The following WDPCP variants were observed in gnomAD, a reference collection of about 807,000 sequenced individuals.
WDPCP encodes WD repeat containing planar cell polarity effector.
In WDPCP, 71 loss-of-function variants were observed where a neutral mutation model predicts 93.1. That is an observed-to-expected ratio of 0.76 (90% CI 0.63 to 0.93). The LOEUF is 0.93. WDPCP is among the 40% of genes least tolerant of loss of function. The pLI, the probability that WDPCP is intolerant of heterozygous loss-of-function variation, is 0.00. For synonymous variants in WDPCP, 315 were observed against 315.0 expected (o/e 1.00, Z 0.00); for missense variants, 844 against 887.4 (o/e 0.95, Z 0.62).
intron 2 of WDPCP, among the ~76,000 whole-genome samples, chr2:63,790,632 C>T (rs1209017009): frequency 2.6e-5 from 4 of 152,166 alleles, no homozygotes; most frequent in African/African-American, 9.7e-5. Context: ...TGGTTAGGAC[C>T]ATGAAGCCTT....
At chr2:63,643,958 T>C (rs1558873968) in intron 3 of WDPCP, 1 of 489,516 alleles carries the variant, frequency 2.0e-6, no homozygotes, top group South Asian at 1.5e-5. Context: ...AGTGGATGGA[T>C]GAGGAGTAAA....
At chr2:63,787,123 A>G (rs1459671493) in intron 2 of WDPCP, among the ~76,000 whole-genome samples, 1 of 152,234 alleles carries the variant, frequency 6.6e-6, no homozygotes, top group Non-Finnish European at 1.5e-5. Flanking sequence ...TCCTAAGAAA[A>G]TAAACACAGA....
chr2:63,699,698 A>C (rs1378181627), intron 2 of WDPCP, among the ~76,000 whole-genome samples: 1 of 152,242 alleles, frequency 6.6e-6, no homozygotes, highest in Non-Finnish European at 1.5e-5. Context: ...GTTTTCTAAC[A>C]TAGAGGTATC....
At chr2:63,416,201 T>G (rs1204451315) in intron 9 of WDPCP, among the ~76,000 whole-genome samples, 1 of 147,542 alleles carries the variant, frequency 6.8e-6, no homozygotes, top group Non-Finnish European at 1.5e-5. Context: ...TTTTTTTTCC[T>G]TTTTTTTTTT....
intron 1 of WDPCP, among the ~76,000 whole-genome samples, chr2:63,505,515 A>ATTATGACT (rs1701816087): frequency 6.6e-6 from 1 of 152,128 alleles, no homozygotes; most frequent in South Asian, 2.1e-4. Flanking sequence ...GATTATGACC[A>ATTATGACT]TGTTTTGCCC....
chr2:63,222,762 A>G (rs1388773369), intron 14 of WDPCP, among the ~76,000 whole-genome samples: 2 of 152,184 alleles, frequency 1.3e-5, no homozygotes, highest in Non-Finnish European at 2.9e-5. Context: ...TATGTCTTTT[A>G]GTATAGAATT....
At chr2:63,381,356 G>GT (rs1305995952) in intron 11 of WDPCP, among the ~76,000 whole-genome samples, 1 of 151,952 alleles carries the variant, frequency 6.6e-6, no homozygotes, top group East Asian at 1.9e-4. Context: ...TTGGGCAAAG[G>GT]TAAGGAAATC....
At chr2:63,194,202 A>G (rs1433452774) in intron 14 of WDPCP, among the ~76,000 whole-genome samples, 1 of 152,274 alleles carries the variant, frequency 6.6e-6, no homozygotes, top group East Asian at 1.9e-4. Flanking sequence ...CTTAAAGAAA[A>G]TAATATTTTT....
intron 14 of WDPCP, among the ~76,000 whole-genome samples, chr2:63,223,134 A>C (rs1427033335): frequency 6.6e-6 from 1 of 152,188 alleles, no homozygotes; most frequent in Non-Finnish European, 1.5e-5. Flanking sequence ...GATGTCTTAC[A>C]TTTTAAATGA....
intron 2 of WDPCP, among the ~76,000 whole-genome samples, chr2:63,742,691 C>T (rs189500190): frequency 4.1e-5 from 6 of 147,774 alleles, no homozygotes; most frequent in East Asian, 2.0e-4. Context: ...AAGACCCATA[C>T]GAGATGACAT....
intron 1 of WDPCP, among the ~76,000 whole-genome samples, chr2:63,528,893 G>C (rs757803991): frequency 4.6e-5 from 7 of 152,134 alleles, no homozygotes; most frequent in Non-Finnish European, 8.8e-5. Context: ...ATTTCATTGA[G>C]CAGTGGTTTG....
At chr2:63,369,153 A>C (rs1392560585) in intron 12 of WDPCP, 1 of 245,242 alleles carries the variant, frequency 4.1e-6, no homozygotes, top group African/African-American at 2.2e-5. Flanking sequence ...CCACAGCTTT[A>C]ATACAACTGT....
the WDPCP span, among the ~76,000 whole-genome samples, chr2:63,839,738 G>C: frequency 6.6e-6 from 1 of 152,212 alleles, no homozygotes; most frequent in African/African-American, 2.4e-5. Context: ...GTATACAAAG[G>C]ATGTAGAGAT....
chr2:63,815,079 A>G (rs930165486), intron 1 of WDPCP, among the ~76,000 whole-genome samples: 2 of 152,216 alleles, frequency 1.3e-5, no homozygotes, highest in Non-Finnish European at 2.9e-5. Context: ...GACAAAGCAC[A>G]TTACATAATT....
chr2:63,248,030 A>T (rs1680425169), intron 14 of WDPCP, among the ~76,000 whole-genome samples: 1 of 150,250 alleles, frequency 6.7e-6, no homozygotes, highest in Non-Finnish European at 1.5e-5. Flanking sequence ...GTATACAAAA[A>T]CTCTTATAAA....
chr2:63,130,894 A>G (rs1232424782), intron 17 of WDPCP, among the ~76,000 whole-genome samples: 1 of 152,146 alleles, frequency 6.6e-6, no homozygotes, highest in Non-Finnish European at 1.5e-5. Context: ...TGGTACATAC[A>G]TATTTATAAT....
At chr2:63,709,512 G>A in intron 2 of WDPCP, among the ~76,000 whole-genome samples, 1 of 152,096 alleles carries the variant, frequency 6.6e-6, no homozygotes, top group East Asian at 1.9e-4. Context: ...TCAATTTCAA[G>A]CCACCAGAAA....
At chr2:63,143,775 C>A (rs1671267519) in intron 17 of WDPCP, among the ~76,000 whole-genome samples, 1 of 152,230 alleles carries the variant, frequency 6.6e-6, no homozygotes, top group South Asian at 2.1e-4. Context: ...GCACCAATCT[C>A]TTCTAGCTTG....
chr2:63,741,187 TCTTA>T (rs1310174487), intron 2 of WDPCP, among the ~76,000 whole-genome samples: 2 of 152,178 alleles, frequency 1.3e-5, no homozygotes, highest in African/African-American at 4.8e-5. Context: ...GTGCAATGTC[TCTTA>T]CTTTGCTGTA....
Sources: gnomAD v4.1 joint callset for allele counts (sites outside exome capture counted in the v4.1 genomes callset) on GRCh38, gnomAD v4.1.1 for gene constraint, MANE v1.5 for transcripts, NCBI Gene and HGNC (gene_info 2026-07-23, HGNC 2026-07-21) for gene names.